CMPK2: variants seen among roughly 807,000 people sequenced by gnomAD.
CMPK2 encodes the protein UMP-CMP kinase 2, mitochondrial.
A neutral mutation model predicts 33.4 loss-of-function variants in CMPK2; 32 were observed. The ratio of observed to expected loss-of-function variants is 0.96; its 90% CI spans 0.72 to 1.29. The LOEUF (loss-of-function observed/expected upper bound fraction) is 1.29. Among genes scored for constraint, CMPK2 ranks in the 50% most tolerant of loss-of-function variants. CMPK2 has a pLI of 0.00. For synonymous variants in CMPK2, 299 were observed against 275.3 expected (o/e 1.09, Z -0.85); for missense variants, 672 against 616.0 (o/e 1.09, Z -0.96).
chr2:6,853,703 C>T lies in CMPK2; in HGVS notation c.993-2020G>A, dbSNP rs1262218867. 2.0e-4 allele frequency among the ~76,000 whole-genome samples: 30 copies of T among 152,038 alleles called. 1 individual carries two copies. The highest frequency in any genetic ancestry group is 2.0e-3 in the Admixed American group (30 of 15,272). On this transcript the variant is annotated intron_variant, in intron 3 of 4. Transcript: ENST00000256722. ...GGATCACGAGGTCAGGAGATCGAGA[C>T]CATCCTGGCTAACATGGTGAAACCC...
chr2:6,855,530 A>G (rs1402892688), intron 3 of CMPK2, among the ~76,000 whole-genome samples: 1 of 152,170 alleles, frequency 6.6e-6, no homozygotes, highest in African/African-American at 2.4e-5. Flanking sequence ...AAGAACTAAT[A>G]CAGATATCAC....
Position 6,865,614 on chromosome 2 carries a change from G to A in CMPK2, c.83C>T (p.Ala28Val). ...GRRGVCAGAM[A>V]PPRRFVLELP... The stretch of plus-strand genomic sequence containing the variant: ...CTCCAGGACGAAGCGGCGCGGCGGA[G>A]CCATGGCCCCAGCGCAGACCCCGCG... The change falls in exon 1 of 5, where the codon GCT becomes GTT. Residue 28 changes from alanine to valine, a missense_variant. By Grantham distance (64) the Ala-to-Val change is moderately conservative (BLOSUM62 0). Coordinates refer to ENST00000256722, the MANE Select transcript of CMPK2 (RefSeq NM_207315.4). 7.2e-7 allele frequency: 1 copy of A among 1,395,542 alleles called. No individual in the cohort carries two copies. Among genetic ancestry groups the A allele is most frequent in the Non-Finnish European group, 9.3e-7 (1 of 1,074,936 alleles). The allele number at this position is 1,395,542 out of a possible 1,614,324, so 86.4% of individuals were successfully genotyped here.
At chr2:6,844,519 G>A (rs1662309550), downstream of CMPK2, among the ~76,000 whole-genome samples, 3 of 152,224 alleles carry the variant, frequency 2.0e-5, no homozygotes, top group South Asian at 2.1e-4. Flanking sequence ...AAGAGGTTTG[G>A]TACTTGTCCT....
intron 3 of CMPK2, among the ~76,000 whole-genome samples, chr2:6,842,147 T>G (rs1251715006): frequency 6.6e-6 from 1 of 152,126 alleles, no homozygotes; most frequent in Non-Finnish European, 1.5e-5. Context: ...GACAGCCCAG[T>G]CTCAGTTTTC....
rs535858403 is a variant in CMPK2, at chr2:6,864,050, G to A, written c.676-472C>T. On this transcript the variant is annotated intron_variant, in intron 1 of 4. Transcript: ENST00000256722. The stretch of plus-strand genomic sequence containing the variant: ...GCAATCATGAAGCTGGCAGAGCAGC[G>A]TCCCCCTGGGAATTCCCAGTTCCTC... Among the ~76,000 whole-genome samples the A allele has an allele frequency of 3.9e-5, 6 of 152,326 alleles. No homozygotes were observed. The South Asian group carries it at 6.2e-4, about 16-fold the overall frequency.
intron 2 of CMPK2, 70 bp downstream of exon 2, chr2:6,863,394 G>T: frequency 7.4e-7 from 1 of 1,360,172 alleles, no homozygotes; most frequent in Non-Finnish European, 1.0e-6. Flanking sequence ...GGTTTTGCAG[G>T]AAGTATTTCT....
At chr2:6,847,480 C>G (rs571445964), downstream of CMPK2, among the ~76,000 whole-genome samples, 1 of 152,356 alleles carries the variant, frequency 6.6e-6, no homozygotes. Flanking sequence ...GCTCTCCTAT[C>G]TGTGCAGCCG....
intron 3 of CMPK2, among the ~76,000 whole-genome samples, chr2:6,854,469 C>G (rs898577721): frequency 1.3e-5 from 2 of 152,168 alleles, no homozygotes; most frequent in Admixed American, 1.3e-4. Context: ...CTGCTCTTTT[C>G]TTTTCATCTG....
At chr2:6,856,917 G>A (rs1662720745) in intron 3 of CMPK2, among the ~76,000 whole-genome samples, 1 of 152,164 alleles carries the variant, frequency 6.6e-6, no homozygotes, top group Non-Finnish European at 1.5e-5. Flanking sequence ...CTGTTGATGG[G>A]CTTTAGGTTT....
rs1337224229 is a variant in CMPK2, at chr2:6,865,572, A to T, written c.125T>A (p.Leu42Gln). ...GTCGGCGCCTAGGGCGAAGTGAGCC[A>T]GGGTGCAGTCGGGAAGCTCCAGGAC... is the stretch of plus-strand genomic sequence containing the variant. ...RFVLELPDCT[L>Q]AHFALGADAP... The change falls in exon 1 of 5, where the codon CTG becomes CAG. Residue 42 changes from leucine (L) to glutamine (Q), a missense_variant. Physicochemically the swap from Leu to Gln is moderately radical, Grantham distance 113 (BLOSUM62 -2). Transcript: ENST00000256722. 7.3e-7 allele frequency: 1 copy of T among 1,369,220 alleles called. No individual in the cohort carries two copies. The highest frequency in any genetic ancestry group is 1.5e-5 in the African/African-American group (1 of 66,092). The allele number at this position is 1,369,220 out of a possible 1,614,324, so 84.8% of individuals were successfully genotyped here.
downstream of CMPK2, among the ~76,000 whole-genome samples, chr2:6,843,756 C>T (rs1662287505): frequency 6.6e-6 from 1 of 152,144 alleles, no homozygotes; most frequent in Non-Finnish European, 1.5e-5. Context: ...AACCGAGGGG[C>T]TATGAAAAAT....
Position 6,848,435 on chromosome 2 carries a change from A to G in CMPK2, c.*1415T>C. On this transcript the variant is annotated 3_prime_UTR_variant, in exon 5 of 5. Transcript: ENST00000256722. ...AAAATGTTTAAAGTAAATAAAACCA[A>G]TAATACAGCTAGATACCACATTGCA... is the stretch of plus-strand genomic sequence containing the variant. The G allele has an allele frequency of 3.1e-6, 3 of 982,628 alleles. No individual in the cohort carries two copies. Among genetic ancestry groups the G allele is most frequent in the Non-Finnish European group, 3.6e-6 (3 of 827,344 alleles). 60.9% of individuals were successfully genotyped at this position (982,628 alleles called of 1,614,324 possible). A position where few individuals can be genotyped will look rare whatever the true frequency, so the allele number is the denominator to read the frequency against.
chr2:6,855,343 CT>C (rs1217346181), intron 3 of CMPK2, among the ~76,000 whole-genome samples: 1 of 148,304 alleles, frequency 6.7e-6, no homozygotes, highest in Non-Finnish European at 1.5e-5. Flanking sequence ...CTGCCCCTGC[CT>C]CTCTCTCTCT....
exon 4 of CMPK2, chr2:6,840,592 T>C (rs1206243305): frequency 4.3e-6 from 3 of 702,138 alleles, no homozygotes; most frequent in Non-Finnish European, 7.8e-6. Context: ...TTGACTCGAG[T>C]GTGATGAATC....
intron 3 of CMPK2, among the ~76,000 whole-genome samples, chr2:6,840,907 C>G (rs751143394): frequency 2.0e-5 from 3 of 152,102 alleles, no homozygotes; most frequent in Non-Finnish European, 2.9e-5. Context: ...TGAAGGAACA[C>G]CCCTTCAACC....
At chr2:6,855,161 C>T (rs574142392) in intron 3 of CMPK2, among the ~76,000 whole-genome samples, 15 of 149,628 alleles carry the variant, frequency 1.0e-4, no homozygotes, top group Non-Finnish European at 2.1e-4. Context: ...ATGACTTTTG[C>T]ACCAACCTAA....
At chr2:6,842,443 C>A (rs1662257563) in intron 3 of CMPK2, among the ~76,000 whole-genome samples, 1 of 152,174 alleles carries the variant, frequency 6.6e-6, no homozygotes, top group African/African-American at 2.4e-5. Context: ...CTTCTGGCAC[C>A]AGCAAAGCCA....
intron 3 of CMPK2, among the ~76,000 whole-genome samples, chr2:6,857,315 T>C (rs1208808559): frequency 6.6e-6 from 1 of 150,390 alleles, no homozygotes; most frequent in East Asian, 1.9e-4. Flanking sequence ...TTGTTTTTTG[T>C]TTTATTGTTT....
chr2:6,866,462 T>C, upstream of CMPK2: 7 of 985,716 alleles, frequency 7.1e-6, no homozygotes, highest in Non-Finnish European at 8.4e-6. Context: ...GGAATTGCCC[T>C]CTCCCTTTTG....
Sources: gnomAD v4.1 joint callset for allele counts (sites outside exome capture counted in the v4.1 genomes callset) on GRCh38, gnomAD v4.1.1 for gene constraint, MANE v1.5 for transcripts, NCBI Gene and HGNC (gene_info 2026-07-23, HGNC 2026-07-21) for gene names.